Variants in ATP10B observed in about 807,000 individuals in gnomAD.
The protein encoded by ATP10B is ATPase phospholipid transporting 10B (putative).
In ATP10B, 122 loss-of-function variants were observed where a neutral mutation model predicts 141.2. The observed-to-expected ratio is 0.86, with a 90% confidence interval of 0.75 to 1.00. ATP10B has a LOEUF of 1.00. Ranked by LOEUF, ATP10B falls within the 50% of genes least tolerant of loss-of-function variation. The pLI is 0.00. For synonymous variants in ATP10B, 685 were observed against 692.0 expected (o/e 0.99, Z 0.16); for missense variants, 1,876 against 1,825.3 (o/e 1.03, Z -0.51).
intron 1 of ATP10B, among the ~76,000 whole-genome samples, chr5:160,795,923 AAGTTTGTGGTAATTT>A (rs1188776166): frequency 6.6e-6 from 1 of 152,138 alleles, no homozygotes; most frequent in Non-Finnish European, 1.5e-5. Flanking sequence ...TTTAGCCAAC[AAGTTTGTGGTAATTT>A]ATATGGCAGC....
chr5:160,688,921 T>A lies in ATP10B; in HGVS notation c.-182A>T. On this transcript the variant is annotated 5_prime_UTR_variant, in exon 4 of 26. An upstream open reading frame in the 5' UTR gains an earlier in-frame stop. Coordinates refer to ENST00000327245, the MANE Select transcript of ATP10B (RefSeq NM_025153.3). ...TGGGGATAGGGGATCCCTTTTCTTT[T>A]TCTCCACTCCATTTGGTGGTTTCTG... 1.0e-6 allele frequency: 1 copy of A among 985,436 alleles called. No homozygotes were observed. The highest frequency in any genetic ancestry group is 1.2e-6 in the Non-Finnish European group (1 of 829,940). 61.0% of individuals were successfully genotyped at this position (985,436 alleles called of 1,614,324 possible). A position where few individuals can be genotyped will look rare whatever the true frequency, so the allele number is the denominator to read the frequency against.
chr5:160,718,245 G>A (rs1765774294), intron 2 of ATP10B, among the ~76,000 whole-genome samples: 1 of 152,042 alleles, frequency 6.6e-6, no homozygotes, highest in Admixed American at 6.5e-5. Flanking sequence ...CTAGTTTTGG[G>A]TACATACCAG....
chr5:160,793,721 CCACT>C (rs1771752731), intron 1 of ATP10B, among the ~76,000 whole-genome samples: 2 of 152,234 alleles, frequency 1.3e-5, no homozygotes, highest in African/African-American at 2.4e-5. Flanking sequence ...CATTCACTCA[CCACT>C]CATTCACTGA....
intron 2 of ATP10B, among the ~76,000 whole-genome samples, chr5:160,734,162 AC>A (rs1200030848): frequency 1.3e-5 from 2 of 151,870 alleles, no homozygotes; most frequent in Non-Finnish European, 2.9e-5. Context: ...ACATTAAAAA[AC>A]AACTATGGAA....
chr5:160,787,388 C>G (rs1284230729), intron 1 of ATP10B, among the ~76,000 whole-genome samples: 1 of 152,126 alleles, frequency 6.6e-6, no homozygotes, highest in Non-Finnish European at 1.5e-5. Context: ...TTTTCAACCC[C>G]TGCCCTAACC....
At chr5:160,845,903 G>T (rs1398650634) in intron 1 of ATP10B, among the ~76,000 whole-genome samples, 2 of 152,058 alleles carry the variant, frequency 1.3e-5, no homozygotes, top group African/African-American at 2.4e-5. Flanking sequence ...ACACGCTGAT[G>T]TCTTTTCCCT....
chr5:160,884,589 CAG>C, the ATP10B span, among the ~76,000 whole-genome samples: 1 of 152,012 alleles, frequency 6.6e-6, no homozygotes, highest in African/African-American at 2.4e-5. Context: ...TACCACAGCT[CAG>C]AGTTTTAGGC....
At chr5:160,795,008 C>A (rs571952831) in intron 1 of ATP10B, among the ~76,000 whole-genome samples, 1 of 152,216 alleles carries the variant, frequency 6.6e-6, no homozygotes, top group East Asian at 1.9e-4. Flanking sequence ...TGGCAGAGTA[C>A]CCTTAATATT....
At chr5:160,811,208 A>G (rs1350373186) in intron 1 of ATP10B, among the ~76,000 whole-genome samples, 1 of 152,036 alleles carries the variant, frequency 6.6e-6, no homozygotes, top group Admixed American at 6.6e-5. Flanking sequence ...CTTGGGTGAC[A>G]CTCTGAAACT....
chr5:160,908,512 A>G, the ATP10B span, among the ~76,000 whole-genome samples: 1 of 152,224 alleles, frequency 6.6e-6, no homozygotes, highest in Non-Finnish European at 1.5e-5. Flanking sequence ...TGAGCTGCTC[A>G]TCTGCTATCG....
rs1326086533 is a variant in ATP10B, at chr5:160,563,724, GTTCT to G, written c.*1725_*1728del. On this transcript the variant is annotated 3_prime_UTR_variant, in exon 26 of 26. Transcript: ENST00000327245. ...TCAGATCTCCTGAGGCCACTGTTCT[GTTCT>G]TTCTGGCTTTTAGTAGTAGCCAGAA... The G allele has an allele frequency of 2.0e-5, 3 of 152,248 alleles. No individual in the cohort carries two copies. Among genetic ancestry groups the G allele is most frequent in the South Asian group, 4.1e-4 (2 of 4,828 alleles). 9.4% of individuals were successfully genotyped at this position (152,248 alleles called of 1,614,324 possible).
chr5:160,873,330 G>A, the ATP10B span, among the ~76,000 whole-genome samples: 2 of 151,962 alleles, frequency 1.3e-5, no homozygotes, highest in African/African-American at 4.8e-5. Flanking sequence ...ATTAACATCA[G>A]GAACAAGGCA....
chr5:160,895,430 C>A, the ATP10B span, among the ~76,000 whole-genome samples: 9 of 152,160 alleles, frequency 5.9e-5, no homozygotes, highest in African/African-American at 2.2e-4. Context: ...AGACTTTAAA[C>A]CAACAAAGAC....
intron 2 of ATP10B, among the ~76,000 whole-genome samples, chr5:160,781,113 T>C (rs4921161): frequency 6.6e-6 from 1 of 152,054 alleles, no homozygotes; most frequent in Non-Finnish European, 1.5e-5. Flanking sequence ...AGCAGAAAGA[T>C]CTCTCGAAAA....
rs559982650 is a variant in ATP10B, at chr5:160,667,196, CGACAGAGCAA to C, written c.675+3257_675+3266del. On this transcript the variant is annotated intron_variant, in intron 7 of 25. Coordinates refer to ENST00000327245, the MANE Select transcript of ATP10B (RefSeq NM_025153.3). ...TCGTGCCACTGCACTCCAGCTTGGGCGACAGAGCAAGACTCTGTCTCAAAACAAAAACAAA... is the reference window on the plus strand; with the variant it reads ...TCGTGCCACTGCACTCCAGCTTGGGCGACTCTGTCTCAAAACAAAAACAAA... 5.3e-5 allele frequency among the ~76,000 whole-genome samples: 8 copies of C among 152,020 alleles called. No individual in the cohort carries two copies. In the East Asian group the frequency reaches 1.6e-3, roughly 30 times the overall value.
intron 25 of ATP10B, among the ~76,000 whole-genome samples, chr5:160,569,157 A>C (rs1754725039): frequency 6.6e-6 from 1 of 152,174 alleles, no homozygotes; most frequent in African/African-American, 2.4e-5. Flanking sequence ...TCCTGGACTA[A>C]TACAATAAAG....
At chr5:160,700,464 G>A (rs965324111) in intron 3 of ATP10B, among the ~76,000 whole-genome samples, 4 of 152,166 alleles carry the variant, frequency 2.6e-5, no homozygotes, top group African/African-American at 9.7e-5. Context: ...CATGTTAAGG[G>A]ACATTTCCAG....
At position 160,648,261 on chromosome 5, in the gene ATP10B, A is replaced by G. The variant is rs539587330; in HGVS notation, c.761+910T>C. On this transcript the variant is annotated intron_variant, in intron 8 of 25. Coordinates refer to ENST00000327245, the MANE Select transcript of ATP10B (RefSeq NM_025153.3). ...CCAACCCATGGCCCACATGTGGCCC[A>G]GGGTGGCTTTGAACATGGCCCAACA... 3.3e-5 allele frequency among the ~76,000 whole-genome samples: 5 copies of G among 152,348 alleles called. No homozygotes were observed. The East Asian group carries it at 7.7e-4, about 24-fold the overall frequency.
intron 14 of ATP10B, among the ~76,000 whole-genome samples, chr5:160,621,614 G>A (rs1175728097): frequency 6.6e-6 from 1 of 152,220 alleles, no homozygotes; most frequent in Non-Finnish European, 1.5e-5. Flanking sequence ...GATTTTCAGG[G>A]TGGTTTGGAA....
Sources: allele counts gnomAD v4.1 joint callset (sites outside exome capture counted in the v4.1 genomes callset), GRCh38; gene constraint gnomAD v4.1.1; transcripts MANE v1.5; gene names NCBI Gene and HGNC (gene_info 2026-07-23, HGNC 2026-07-21).